FOXJ3: variants seen among roughly 807,000 people sequenced by gnomAD.
FOXJ3 encodes the protein forkhead box protein J3.
A neutral mutation model predicts 76.1 loss-of-function variants in FOXJ3; 22 were observed. That is an observed-to-expected ratio of 0.29 (90% CI 0.21 to 0.41). The LOEUF is 0.41. Among genes scored for constraint, FOXJ3 ranks in the 10% least tolerant of loss-of-function variants. The probability of loss-of-function intolerance (pLI) is 1.00; values close to 1 mark genes in which losing one functional copy is unlikely to be tolerated. For synonymous variants in FOXJ3, 269 were observed against 261.2 expected, an observed-to-expected ratio of 1.03 and a Z score of -0.29; for missense variants, 613 against 762.1, an observed-to-expected ratio of 0.80 and a Z score of 2.30.
At chr1:42,249,171 C>A (rs1262372193) in intron 4 of FOXJ3, among the ~76,000 whole-genome samples, 3 of 152,044 alleles carry the variant, frequency 2.0e-5, no homozygotes, top group African/African-American at 7.2e-5. Flanking sequence ...GATTCCATGT[C>A]TTTGCTACTG....
chr1:42,273,568 G>A (rs765853091), intron 3 of FOXJ3, among the ~76,000 whole-genome samples: 4 of 151,128 alleles, frequency 2.6e-5, no homozygotes, highest in East Asian at 3.9e-4. Context: ...CCTGCTACTC[G>A]GGAGGCTGAG....
intron 1 of FOXJ3, among the ~76,000 whole-genome samples, chr1:42,326,755 T>C (rs1280907341): frequency 6.6e-6 from 1 of 152,212 alleles, no homozygotes; most frequent in East Asian, 1.9e-4. Flanking sequence ...TGGTTTTATG[T>C]ACTCTAAGTC....
chr1:42,215,558 G>A (rs1647048271), intron 5 of FOXJ3, among the ~76,000 whole-genome samples: 1 of 151,950 alleles, frequency 6.6e-6, no homozygotes, highest in South Asian at 2.1e-4. Context: ...AAGAAATAAT[G>A]ACTAAAATCT....
At chr1:42,321,182 GA>G (rs889551953) in intron 1 of FOXJ3, among the ~76,000 whole-genome samples, 1 of 152,102 alleles carries the variant, frequency 6.6e-6, no homozygotes, top group Non-Finnish European at 1.5e-5. Flanking sequence ...TGAAACTTGG[GA>G]AATCTATTAA....
rs2124688918 is a variant in FOXJ3, at chr1:42,284,267, G to A, written c.45-5595C>T. Among the ~76,000 whole-genome samples, 2 of 152,302 alleles carry A rather than the reference G, an allele frequency of 1.3e-5. 1 individual carries two copies. Among genetic ancestry groups the A allele is most frequent in the South Asian group, 4.1e-4 (2 of 4,824 alleles). ...GAGTTAATAAATTCCGATACTGACGGTTGGAAAGCTGATTACAAAGAATTT... is the reference window on the plus strand; with the variant it reads ...GAGTTAATAAATTCCGATACTGACGATTGGAAAGCTGATTACAAAGAATTT... On this transcript the variant is annotated intron_variant, in intron 2 of 12. Coordinates refer to ENST00000361346, the MANE Select transcript of FOXJ3 (RefSeq NM_014947.5).
intron 8 of FOXJ3, 49 bp downstream of exon 8, chr1:42,194,841 C>T (rs1282789028): frequency 8.2e-7 from 1 of 1,212,174 alleles, no homozygotes; most frequent in Non-Finnish European, 1.2e-6. Flanking sequence ...AATTTAAAAA[C>T]CTTTTTCCAA....
chr1:42,263,138 A>G lies in FOXJ3; in HGVS notation c.444+1977T>C, dbSNP rs1398054815. ...AAAAAGAAGAGTTGCAAAGAGTAACATGTTTTCCATATCTGTCTTACCCCA... is the reference window on the plus strand; with the variant it reads ...AAAAAGAAGAGTTGCAAAGAGTAACGTGTTTTCCATATCTGTCTTACCCCA... On this transcript the variant is annotated intron_variant, in intron 4 of 12. Coordinates refer to ENST00000361346, the MANE Select transcript of FOXJ3 (RefSeq NM_014947.5). 3.3e-5 allele frequency among the ~76,000 whole-genome samples: 5 copies of G among 152,288 alleles called. No individual in the cohort carries two copies. The East Asian group carries it at 9.7e-4, about 29-fold the overall frequency.
intron 3 of FOXJ3, among the ~76,000 whole-genome samples, chr1:42,270,957 G>T (rs1198022091): frequency 2.0e-5 from 3 of 151,988 alleles, no homozygotes; most frequent in African/African-American, 7.2e-5. Flanking sequence ...GTCCCCACAG[G>T]TCCCCCCAAA....
intron 6 of FOXJ3, among the ~76,000 whole-genome samples, chr1:42,201,179 G>A (rs1393390579): frequency 6.6e-6 from 1 of 152,102 alleles, no homozygotes; most frequent in Non-Finnish European, 1.5e-5. Flanking sequence ...TCAATTTTCT[G>A]TGATCATCTG....
chr1:42,235,208 C>G (rs766055929), intron 4 of FOXJ3, among the ~76,000 whole-genome samples: 3 of 152,198 alleles, frequency 2.0e-5, no homozygotes, highest in Non-Finnish European at 4.4e-5. Flanking sequence ...GAGCCAGGCA[C>G]GGGATATAAT....
intron 5 of FOXJ3, among the ~76,000 whole-genome samples, chr1:42,224,302 A>G (rs1557651637): frequency 6.6e-6 from 1 of 152,222 alleles, no homozygotes; most frequent in Non-Finnish European, 1.5e-5. Context: ...TAAATTTTTA[A>G]AAGGAAAAGG....
chr1:42,290,092 A>T (rs1653321733), intron 2 of FOXJ3, among the ~76,000 whole-genome samples: 7 of 152,142 alleles, frequency 4.6e-5, no homozygotes, highest in Non-Finnish European at 8.8e-5. Flanking sequence ...AAAAGTTCCT[A>T]TGCTGGAGGA....
intron 1 of FOXJ3, among the ~76,000 whole-genome samples, chr1:42,327,502 TAG>T (rs1226805380): frequency 6.6e-6 from 1 of 152,232 alleles, no homozygotes; most frequent in African/African-American, 2.4e-5. Context: ...AGCCAAAATC[TAG>T]AGTCTTTATG....
At chr1:42,308,152 T>A (rs1489288046) in intron 2 of FOXJ3, among the ~76,000 whole-genome samples, 1 of 152,244 alleles carries the variant, frequency 6.6e-6, no homozygotes, top group Non-Finnish European at 1.5e-5. Flanking sequence ...CAGCCATATG[T>A]CCAGTTCTTC....
chr1:42,181,038 T>C (rs1298011121), intron 12 of FOXJ3, among the ~76,000 whole-genome samples: 1 of 152,260 alleles, frequency 6.6e-6, no homozygotes, highest in African/African-American at 2.4e-5. Context: ...AACTCCTTCC[T>C]CACTGCTGTC....
intron 5 of FOXJ3, among the ~76,000 whole-genome samples, chr1:42,215,776 A>C (rs994431300): frequency 6.6e-6 from 1 of 152,218 alleles, no homozygotes; most frequent in Non-Finnish European, 1.5e-5. Flanking sequence ...GAAATGATGG[A>C]GGTCATAAGA....
At chr1:42,228,052 C>A in intron 4 of FOXJ3, 86 bp from the exon 5 acceptor site, 1 of 608,048 alleles carries the variant, frequency 1.6e-6, no homozygotes, top group Non-Finnish European at 2.7e-6. Flanking sequence ...GCATCAAAAG[C>A]AAACATTCTG....
At chr1:42,265,240 AC>A (rs1217794863) in intron 3 of FOXJ3, 51 bp from the exon 4 acceptor site, 9 of 939,518 alleles carry the variant, frequency 9.6e-6, no homozygotes, top group Non-Finnish European at 1.5e-5. Context: ...AAAAAACATA[AC>A]CCAAATTTAA....
At chr1:42,271,317 T>C (rs917304834) in intron 3 of FOXJ3, among the ~76,000 whole-genome samples, 1 of 151,888 alleles carries the variant, frequency 6.6e-6, no homozygotes, top group East Asian at 1.9e-4. Flanking sequence ...ATTTTTTTTT[T>C]AAATATGTAA....
Sources: allele counts gnomAD v4.1 joint callset (sites outside exome capture counted in the v4.1 genomes callset), GRCh38; gene constraint gnomAD v4.1.1; transcripts MANE v1.5; gene names NCBI Gene and HGNC (gene_info 2026-07-23, HGNC 2026-07-21).